The following REDIC1 variants were observed in gnomAD, a reference collection of about 807,000 sequenced individuals.
REDIC1 encodes HEI10 Interacting Protein 1.
chr12:39,828,382 GTGCAGT>G, the REDIC1 span, among the ~76,000 whole-genome samples: 1 of 150,944 alleles, frequency 6.6e-6, no homozygotes, highest in Non-Finnish European at 1.5e-5. Context: ...TCTAATTTAT[GTGCAGT>G]TACAGGATGA....
the REDIC1 span, among the ~76,000 whole-genome samples, chr12:39,842,926 A>G: frequency 6.6e-6 from 1 of 152,096 alleles, no homozygotes; most frequent in East Asian, 1.9e-4. Context: ...CAGCCATATT[A>G]TAGCATTTGT....
the REDIC1 span, among the ~76,000 whole-genome samples, chr12:39,902,361 A>C: frequency 1.3e-5 from 2 of 152,040 alleles, no homozygotes; most frequent in South Asian, 2.1e-4. Flanking sequence ...TAAAAATTAA[A>C]AAAAAGAAGA....
the REDIC1 span, among the ~76,000 whole-genome samples, chr12:39,834,104 T>A: frequency 1.3e-5 from 2 of 152,040 alleles, no homozygotes; most frequent in African/African-American, 4.8e-5. Flanking sequence ...AATATATAGT[T>A]TTCCCTGGGT....
chr12:39,692,924 T>G, the REDIC1 span, among the ~76,000 whole-genome samples: 1 of 152,142 alleles, frequency 6.6e-6, no homozygotes, highest in South Asian at 2.1e-4. Flanking sequence ...ATAACAGTCT[T>G]GGTTGTTACA....
chr12:39,690,100 T>G, the REDIC1 span, among the ~76,000 whole-genome samples: 2 of 152,056 alleles, frequency 1.3e-5, no homozygotes, highest in African/African-American at 4.8e-5. Context: ...GAGTCACCAA[T>G]GGGATGGAAT....
the REDIC1 span, among the ~76,000 whole-genome samples, chr12:39,776,845 G>A: frequency 6.6e-6 from 1 of 152,162 alleles, no homozygotes; most frequent in Admixed American, 6.5e-5. Flanking sequence ...ACAAAGTGAT[G>A]GCTAGGTTCT....
chr12:39,808,962 T>C, the REDIC1 span, among the ~76,000 whole-genome samples: 2 of 152,152 alleles, frequency 1.3e-5, no homozygotes, highest in Non-Finnish European at 2.9e-5. Context: ...TGTGTGCTTT[T>C]TGTGTCCTAT....
At chr12:39,708,874 A>G in the REDIC1 span, among the ~76,000 whole-genome samples, 704 of 151,974 alleles carry the variant, frequency 4.6e-3, 4 homozygotes, top group African/African-American at 0.016. Context: ...TATAACCTTT[A>G]AAATAAACTT....
the REDIC1 span, among the ~76,000 whole-genome samples, chr12:39,653,170 G>A: frequency 5.9e-5 from 9 of 151,934 alleles, no homozygotes; most frequent in African/African-American, 2.2e-4. Context: ...CAGTCCACAA[G>A]CATAAAATGT....
At chr12:39,658,121 C>T in the REDIC1 span, among the ~76,000 whole-genome samples, 2 of 151,000 alleles carry the variant, frequency 1.3e-5, no homozygotes, top group Non-Finnish European at 2.9e-5. Context: ...AGCTCTGTTG[C>T]GCAGACTGGA....
chr12:39,642,096 G>A, the REDIC1 span, among the ~76,000 whole-genome samples: 1 of 151,620 alleles, frequency 6.6e-6, no homozygotes, highest in South Asian at 2.1e-4. Context: ...CTTAGTTTCT[G>A]AAAGTTTTCT....
At chr12:39,697,477 A>C in the REDIC1 span, among the ~76,000 whole-genome samples, 1 of 152,232 alleles carries the variant, frequency 6.6e-6, no homozygotes. Context: ...TAACACTGTA[A>C]ATGTGTGTAA....
chr12:39,710,183 A>AAATTT, the REDIC1 span, among the ~76,000 whole-genome samples: 1 of 151,864 alleles, frequency 6.6e-6, no homozygotes, highest in African/African-American at 2.4e-5. Flanking sequence ...TCTTTTAAAA[A>AAATTT]AATTTAATAC....
At chr12:39,782,812 C>A in the REDIC1 span, among the ~76,000 whole-genome samples, 1 of 152,090 alleles carries the variant, frequency 6.6e-6, no homozygotes, top group Non-Finnish European at 1.5e-5. Flanking sequence ...CTGAGGTGGT[C>A]TCAGAGGGAG....
chr12:39,817,779 C>T, the REDIC1 span, among the ~76,000 whole-genome samples: 1 of 152,068 alleles, frequency 6.6e-6, no homozygotes, highest in African/African-American at 2.4e-5. Context: ...AGCTATAAAC[C>T]TTATCAGGAC....
the REDIC1 span, among the ~76,000 whole-genome samples, chr12:39,752,992 C>T: frequency 1.2e-4 from 18 of 152,284 alleles, no homozygotes; most frequent in South Asian, 8.3e-4. Flanking sequence ...TGGCGAGGCC[C>T]GCAGATTTGC....
chr12:39,783,320 G>T, the REDIC1 span, among the ~76,000 whole-genome samples: 1 of 152,132 alleles, frequency 6.6e-6, no homozygotes, highest in Non-Finnish European at 1.5e-5. Flanking sequence ...GAATAGTGCC[G>T]CAATAAACAT....
the REDIC1 span, among the ~76,000 whole-genome samples, chr12:39,789,052 A>G: frequency 5.3e-5 from 8 of 152,252 alleles, no homozygotes; most frequent in East Asian, 1.5e-3. Context: ...ATCTATGTAC[A>G]CTTTAAAGAA....
At chr12:39,896,824 A>G in the REDIC1 span, among the ~76,000 whole-genome samples, 1 of 152,150 alleles carries the variant, frequency 6.6e-6, no homozygotes, top group Non-Finnish European at 1.5e-5. Context: ...CATTCTGTCA[A>G]TAGTGTGACA....
Sources: allele counts gnomAD v4.1 joint callset (sites outside exome capture counted in the v4.1 genomes callset), GRCh38; gene constraint gnomAD v4.1.1; transcripts MANE v1.5; gene names NCBI Gene and HGNC (gene_info 2026-07-23, HGNC 2026-07-21).